Variants in RNFT2 observed in about 807,000 individuals in gnomAD.
RNFT2 encodes E3 ubiquitin-protein ligase RNFT2.
Under a neutral mutation model 53.0 loss-of-function variants are expected in RNFT2, and 36 were observed. The ratio of observed to expected loss-of-function variants is 0.68; its 90% CI spans 0.52 to 0.90. RNFT2 has a LOEUF of 0.90. Among genes scored for constraint, RNFT2 ranks in the 40% least tolerant of loss-of-function variants. The probability of loss-of-function intolerance (pLI) is 0.00; values close to 1 mark genes in which losing one functional copy is unlikely to be tolerated. For synonymous variants in RNFT2, 260 were observed against 253.2 expected, an observed-to-expected ratio of 1.03 and a Z score of -0.26; for missense variants, 514 against 585.6, an observed-to-expected ratio of 0.88 and a Z score of 1.26.
At chr12:116,778,102 CCT>C (rs1873517188) in intron 6 of RNFT2, among the ~76,000 whole-genome samples, 1 of 152,112 alleles carries the variant, frequency 6.6e-6, no homozygotes, top group South Asian at 2.1e-4. Flanking sequence ...GCCTTTCCTC[CCT>C]CTCTTCCTCC....
intron 7 of RNFT2, among the ~76,000 whole-genome samples, chr12:116,808,606 A>AC (rs889464659): frequency 1.3e-5 from 2 of 151,346 alleles, no homozygotes; most frequent in Non-Finnish European, 2.9e-5. Context: ...CTGGCTCCAC[A>AC]CCCCCCAAGC....
chr12:116,802,914 G>A (rs1354413546), intron 7 of RNFT2, among the ~76,000 whole-genome samples: 2 of 151,066 alleles, frequency 1.3e-5, no homozygotes, highest in Admixed American at 6.6e-5. Context: ...GGGTGGCATG[G>A]TGAAACTCTG....
chr12:116,776,450 G>A (rs1391501092), intron 6 of RNFT2, among the ~76,000 whole-genome samples: 2 of 152,144 alleles, frequency 1.3e-5, no homozygotes, highest in African/African-American at 4.8e-5. Flanking sequence ...AGCTAAAGAC[G>A]GGAGCTCAGG....
In RNFT2 at chr12:116,852,377, T is replaced by TTTCCCC. The variant is rs71099009; in HGVS notation, c.*2932_*2937dup. The TTTCCCC allele has an allele frequency of 0.7, 911,623 of 1,302,270 alleles. 335,437 individuals are homozygous for TTTCCCC. The highest frequency in any genetic ancestry group is 0.75 in the Non-Finnish European group (769,723 of 1,020,552). 80.7% of individuals were successfully genotyped at this position (1,302,270 alleles called of 1,614,324 possible). ...CCCCTGTGTGCCACCAAACCAGGAC[T>TTTCCCC]TTCCCCTTGGCTTGGCATCCCTGGC... On this transcript the variant is annotated 3_prime_UTR_variant, in exon 11 of 11. Transcript: ENST00000257575.
At chr12:116,750,899 TA>T (rs1215539661) in intron 4 of RNFT2, among the ~76,000 whole-genome samples, 2 of 10,208 alleles carry the variant, frequency 2.0e-4, no homozygotes, top group African/African-American at 3.1e-4. Flanking sequence ...ATAATATATA[TA>T]TATATATATT....
chr12:116,786,279 G>A (rs1293561015), intron 7 of RNFT2, among the ~76,000 whole-genome samples: 19 of 151,618 alleles, frequency 1.3e-4, no homozygotes. Context: ...GTGCCACCAC[G>A]CCTGGGTAAT....
intron 6 of RNFT2, among the ~76,000 whole-genome samples, chr12:116,773,355 C>T (rs753704727): frequency 3.9e-5 from 6 of 152,162 alleles, no homozygotes; most frequent in East Asian, 1.9e-4. Context: ...CTAACTTAAG[C>T]AAACAGGGAA....
At chr12:116,746,994 C>T (rs12816240) in intron 3 of RNFT2, among the ~76,000 whole-genome samples, 8,944 of 152,178 alleles carry the variant, frequency 0.059, 389 homozygotes, top group Non-Finnish European at 0.081. Flanking sequence ...TTTTGGTCCA[C>T]GACTCAAGGT....
At chr12:116,845,274 T>TATAG (rs1220792501) in intron 10 of RNFT2, among the ~76,000 whole-genome samples, 4 of 125,424 alleles carry the variant, frequency 3.2e-5, no homozygotes, top group African/African-American at 1.0e-4. Context: ...TATATATATA[T>TATAG]AGAGAGAGAG....
intron 6 of RNFT2, among the ~76,000 whole-genome samples, chr12:116,777,606 T>C (rs982568223): frequency 6.6e-5 from 10 of 152,138 alleles, no homozygotes; most frequent in Non-Finnish European, 1.2e-4. Flanking sequence ...ACCTTCCACA[T>C]ATTTGCCTTT....
At chr12:116,754,174 C>T (rs780503951) in intron 5 of RNFT2, 114 bp downstream of exon 5, 51 of 803,004 alleles carry the variant, frequency 6.4e-5, no homozygotes, top group Admixed American at 1.1e-4. Context: ...TATGCCTTTG[C>T]GTCCTCATAG....
At chr12:116,769,930 G>A (rs1259849522) in intron 6 of RNFT2, among the ~76,000 whole-genome samples, 6 of 152,156 alleles carry the variant, frequency 3.9e-5, no homozygotes, top group Non-Finnish European at 8.8e-5. Context: ...AGCTACTTGG[G>A]AGGCTGAGGC....
At chr12:116,849,195 G>T (rs1172408607) in intron 10 of RNFT2, 119 bp from the exon 11 acceptor site, 3 of 732,686 alleles carry the variant, frequency 4.1e-6, no homozygotes, top group South Asian at 3.7e-5. Flanking sequence ...CCCAACGCGA[G>T]TGCAGGCGCC....
Position 116,763,375 on chromosome 12 carries a change from A to G in RNFT2, c.628-3439A>G, listed in dbSNP as rs1872766396. ...CATTATCAAAAAATCAAAAAATAAT[A>G]GATGTCGGCATGAATGCGGGAACAC... is the stretch of plus-strand genomic sequence containing the variant. On this transcript the variant is annotated intron_variant, in intron 5 of 10. Transcript: ENST00000257575. 2.0e-5 allele frequency among the ~76,000 whole-genome samples: 3 copies of G among 152,346 alleles called. No individual in the cohort carries two copies. The South Asian group carries it at 6.2e-4, about 32-fold the overall frequency.
intron 7 of RNFT2, among the ~76,000 whole-genome samples, chr12:116,785,293 G>GTTTGTTTTGTTTTGTTTTGTTTTGT (rs141129361): frequency 1.3e-3 from 190 of 146,224 alleles, no homozygotes; most frequent in African/African-American, 4.8e-3. Context: ...GGGGTTGTTT[G>GTTTGTTTTGTTTTGTTTTGTTTTGT]TTTGTTTTGT....
chr12:116,841,709 C>G (rs1877258880), intron 10 of RNFT2, among the ~76,000 whole-genome samples: 1 of 145,106 alleles, frequency 6.9e-6, no homozygotes, highest in South Asian at 2.1e-4. Context: ...GGTCATGCCA[C>G]TGCACTCTAG....
intron 10 of RNFT2, among the ~76,000 whole-genome samples, chr12:116,841,934 T>A (rs1312331840): frequency 2.7e-4 from 9 of 32,998 alleles, no homozygotes; most frequent in South Asian, 1.9e-3. Flanking sequence ...TATATATATA[T>A]AAATATATAT....
intron 7 of RNFT2, among the ~76,000 whole-genome samples, chr12:116,820,460 C>G (rs1028290788): frequency 6.6e-6 from 1 of 152,188 alleles, no homozygotes; most frequent in African/African-American, 2.4e-5. Flanking sequence ...GACATGTGAC[C>G]AGTGGTTACT....
chr12:116,759,874 G>T (rs1462079785), intron 5 of RNFT2, among the ~76,000 whole-genome samples: 1 of 152,162 alleles, frequency 6.6e-6, no homozygotes, highest in African/African-American at 2.4e-5. Flanking sequence ...GAGAGCATCA[G>T]CTGTGGTAGC....
Sources: allele counts gnomAD v4.1 joint callset (sites outside exome capture counted in the v4.1 genomes callset), GRCh38; gene constraint gnomAD v4.1.1; transcripts MANE v1.5; gene names NCBI Gene and HGNC (gene_info 2026-07-23, HGNC 2026-07-21).